The following SHROOM3 variants were observed in gnomAD, a reference collection of about 807,000 sequenced individuals.
SHROOM3 encodes protein Shroom3.
A neutral mutation model predicts 138.6 loss-of-function variants in SHROOM3; 47 were observed. The observed-to-expected ratio is 0.34, with a 90% CI of 0.27 to 0.43. The LOEUF (loss-of-function observed/expected upper bound fraction) is 0.43, where lower values mean the gene tolerates loss of function less well. Among genes scored for constraint, SHROOM3 ranks in the 20% least tolerant of loss-of-function variants. SHROOM3 has a pLI of 1.00. For missense variants in SHROOM3, 2,491 were observed against 2,596.5 expected (o/e 0.96, Z 0.88); for synonymous variants, 1,062 against 1,063.3 (o/e 1.00, Z 0.02).
intron 2 of SHROOM3, among the ~76,000 whole-genome samples, chr4:76,702,018 A>G (rs1274174193): frequency 6.6e-6 from 1 of 152,252 alleles, no homozygotes; most frequent in Non-Finnish European, 1.5e-5. Flanking sequence ...GAAGAAAAAT[A>G]GTACCCATAA....
At chr4:76,468,205 A>T (rs1274199626) in intron 1 of SHROOM3, among the ~76,000 whole-genome samples, 1 of 152,252 alleles carries the variant, frequency 6.6e-6, no homozygotes, top group Non-Finnish European at 1.5e-5. Context: ...AAGAGGAAAC[A>T]TTCTACATAT....
chr4:76,751,313 G>A (rs1392884002), intron 6 of SHROOM3, among the ~76,000 whole-genome samples: 3 of 152,154 alleles, frequency 2.0e-5, no homozygotes, highest in Admixed American at 2.0e-4. Context: ...CTCCATGAAT[G>A]CCTATTAGGA....
At chr4:76,737,753 T>G (rs1261972963) in intron 4 of SHROOM3, among the ~76,000 whole-genome samples, 1 of 152,228 alleles carries the variant, frequency 6.6e-6, no homozygotes, top group Non-Finnish European at 1.5e-5. Context: ...TCCTAGTGAC[T>G]TATGATGACA....
chr4:76,557,805 G>C (rs1733517947), intron 2 of SHROOM3, among the ~76,000 whole-genome samples: 1 of 152,206 alleles, frequency 6.6e-6, no homozygotes, highest in Non-Finnish European at 1.5e-5. Flanking sequence ...GAAACACTCT[G>C]AGGTAACAAG....
chr4:76,495,330 G>C (rs1477958648), intron 1 of SHROOM3, among the ~76,000 whole-genome samples: 1 of 152,098 alleles, frequency 6.6e-6, no homozygotes, highest in Non-Finnish European at 1.5e-5. Flanking sequence ...TCTGCTGAAA[G>C]GAGCAAAAAA....
chr4:76,778,835 C>T lies in SHROOM3; in HGVS notation c.5649C>T (p.Ile1883=), dbSNP rs1352159634. The T allele has an allele frequency of 2.5e-6, 4 of 1,612,364 alleles. No individual in the cohort carries two copies. The highest frequency in any genetic ancestry group is 2.7e-5 in the African/African-American group (2 of 74,838). Residue 1883 remains isoleucine (I), a synonymous_variant, in exon 11 of 11, where the codon ATC becomes ATT. Transcript: ENST00000296043. ...ERSSLYEKRK[I]LAGQHEDARE... is the part of the protein sequence containing the mutation. ...GCTCTCTTTACGAGAAAAGGAAGAT[C>T]CTGGCTGGTCAGCATGAGGATGCCC...
intron 4 of SHROOM3, among the ~76,000 whole-genome samples, chr4:76,736,127 A>G (rs1219071193): frequency 7.0e-6 from 1 of 143,698 alleles, no homozygotes; most frequent in African/African-American, 2.6e-5. Flanking sequence ...TGGAAGTATT[A>G]GCTCTAAAAA....
intron 2 of SHROOM3, among the ~76,000 whole-genome samples, chr4:76,605,978 TACAC>T (rs202126394): frequency 3.9e-5 from 4 of 102,300 alleles, no homozygotes; most frequent in African/African-American, 1.2e-4. Context: ...TATACACATA[TACAC>T]ACACACACAT....
intron 2 of SHROOM3, among the ~76,000 whole-genome samples, chr4:76,626,366 C>G (rs1450780469): frequency 2.0e-5 from 3 of 152,176 alleles, no homozygotes; most frequent in African/African-American, 7.2e-5. Flanking sequence ...TTGAGTTTCA[C>G]AAATGCTGCT....
intron 2 of SHROOM3, among the ~76,000 whole-genome samples, chr4:76,643,860 C>G (rs1384195244): frequency 6.6e-6 from 1 of 151,922 alleles, no homozygotes; most frequent in Admixed American, 6.6e-5. Context: ...TTTTTTTAAT[C>G]TGAGACGGAG....
At chr4:76,573,635 G>A (rs1311732450) in intron 2 of SHROOM3, 1 of 154,232 alleles carries the variant, frequency 6.5e-6, no homozygotes, top group Non-Finnish European at 1.5e-5. Flanking sequence ...CCTTGGCTCT[G>A]TCCATAGCCT....
chr4:76,570,156 AACAC>A lies in SHROOM3; in HGVS notation c.323+14418_323+14421del, dbSNP rs57079760. On this transcript the variant is annotated intron_variant, in intron 2 of 10. Coordinates refer to ENST00000296043, the MANE Select transcript of SHROOM3 (RefSeq NM_020859.4). The stretch of plus-strand genomic sequence containing the variant: ...CAACCCAAATGCTCAGAAATGTTAA[AACAC>A]ACACACACACACACACACACACACG... Among the ~76,000 whole-genome samples the A allele has an allele frequency of 4.5e-3, 665 of 149,302 alleles. 2 individuals carry two copies. Among genetic ancestry groups the A allele is most frequent in the African/African-American group, 0.013 (515 of 40,762 alleles).
At chr4:76,727,612 G>A (rs1189538411) in intron 3 of SHROOM3, among the ~76,000 whole-genome samples, 11 of 152,282 alleles carry the variant, frequency 7.2e-5, no homozygotes, top group East Asian at 1.9e-4. Context: ...TGATTCGGCC[G>A]GGCACGGTGG....
intron 1 of SHROOM3, among the ~76,000 whole-genome samples, chr4:76,522,838 A>G (rs1323858494): frequency 6.6e-6 from 1 of 152,172 alleles, no homozygotes; most frequent in Non-Finnish European, 1.5e-5. Context: ...GAGATTATAT[A>G]TGGCTATAGT....
At chr4:76,524,273 C>T (rs1466826942) in intron 1 of SHROOM3, among the ~76,000 whole-genome samples, 1 of 152,156 alleles carries the variant, frequency 6.6e-6, no homozygotes, top group Non-Finnish European at 1.5e-5. Flanking sequence ...GGACCCAGAA[C>T]ACAATGGGAA....
intron 1 of SHROOM3, among the ~76,000 whole-genome samples, chr4:76,466,161 A>T (rs1392324238): frequency 6.6e-6 from 1 of 152,030 alleles, no homozygotes; most frequent in Non-Finnish European, 1.5e-5. Context: ...CTTGAAAAAT[A>T]TTTTTTTCAT....
intron 2 of SHROOM3, among the ~76,000 whole-genome samples, chr4:76,674,093 G>C (rs1718959126): frequency 6.6e-6 from 1 of 151,788 alleles, no homozygotes; most frequent in South Asian, 2.1e-4. Flanking sequence ...AGGCTGGTCT[G>C]AAACTCCTGG....
chr4:76,752,651 C>T (rs1033077772), intron 6 of SHROOM3, among the ~76,000 whole-genome samples: 2 of 151,934 alleles, frequency 1.3e-5, no homozygotes, highest in African/African-American at 2.4e-5. Context: ...CCTAAAAACA[C>T]AAAATAATCA....
chr4:76,447,251 T>C (rs1730833324), intron 1 of SHROOM3, among the ~76,000 whole-genome samples: 1 of 152,230 alleles, frequency 6.6e-6, no homozygotes, highest in African/African-American at 2.4e-5. Flanking sequence ...TTAGTCAAAG[T>C]GCTTAGCACT....
Sources: allele counts gnomAD v4.1 joint callset (sites outside exome capture counted in the v4.1 genomes callset), GRCh38; gene constraint gnomAD v4.1.1; transcripts MANE v1.5; gene names NCBI Gene and HGNC (gene_info 2026-07-23, HGNC 2026-07-21).